The following ARHGEF1 variants were observed in gnomAD, a reference collection of about 807,000 sequenced individuals.
The protein encoded by ARHGEF1 is 115 kDa guanine nucleotide exchange factor.
A neutral mutation model predicts 119.7 loss-of-function variants in ARHGEF1; 40 were observed. That is an observed-to-expected ratio of 0.33 (90% confidence interval 0.26 to 0.44). The LOEUF (loss-of-function observed/expected upper bound fraction) is 0.44. Among genes scored for constraint, ARHGEF1 ranks in the 20% least tolerant of loss-of-function variants. The probability of loss-of-function intolerance (pLI) is 1.00; values close to 1 mark genes in which losing one functional copy is unlikely to be tolerated. For synonymous variants in ARHGEF1, 494 were observed against 521.0 expected, an observed-to-expected ratio of 0.95 and a Z score of 0.71; for missense variants, 976 against 1,268.3, an observed-to-expected ratio of 0.77 and a Z score of 3.50.
rs898085600 is a variant in ARHGEF1 at position 41,907,327 on chromosome 19, G to A, written c.*240G>A. The A allele has an allele frequency of 1.5e-5, 23 of 1,534,296 alleles. No individual in the cohort carries two copies. The highest frequency in any genetic ancestry group is 1.1e-4 in the African/African-American group (8 of 72,836). On this transcript the variant is annotated 3_prime_UTR_variant, in exon 29 of 29. Coordinates refer to ENST00000354532, the MANE Select transcript of ARHGEF1 (RefSeq NM_004706.4). ...AGGGCTCCATTCTGGAGGGCACCACGGTGACCCGGGCCATCTCAGTATTGC... is the reference window on the plus strand; with the variant it reads ...AGGGCTCCATTCTGGAGGGCACCACAGTGACCCGGGCCATCTCAGTATTGC...
chr19:41,900,582 C>A (rs782003579), intron 14 of ARHGEF1, among the ~76,000 whole-genome samples: 6 of 152,064 alleles, frequency 3.9e-5, no homozygotes, highest in Non-Finnish European at 7.4e-5. Context: ...AGGCTGTCAA[C>A]CACTGTATAA....
rs1171299619 is a variant in ARHGEF1, at chr19:41,905,467, T to C, written c.2336+206T>C. On this transcript the variant is annotated intron_variant, in intron 24 of 28. Transcript: ENST00000354532. The surrounding 1 kb of genome is among the most constrained non-coding windows in gnomAD (Gnocchi z 6.4). ...ATGCATGCATGTGTGCGTGTGCATG[T>C]GTGTGCGTGTATGGTGTGTGTGTAT... The C allele has an allele frequency of 8.1e-6, 5 of 615,536 alleles. No homozygotes were observed. The highest frequency in any genetic ancestry group is 3.9e-5 in the South Asian group (2 of 51,042). The allele number at this position is 615,536 out of a possible 1,614,324, so 38.1% of individuals were successfully genotyped here.
chr19:41,905,591 C>T lies in ARHGEF1; in HGVS notation c.2337-169C>T. 1.5e-6 allele frequency: 1 copy of T among 686,858 alleles called. No individual in the cohort carries two copies. Among genetic ancestry groups the T allele is most frequent in the Non-Finnish European group, 2.4e-6 (1 of 410,488 alleles). 42.5% of individuals were successfully genotyped at this position (686,858 alleles called of 1,614,324 possible). ...GCCCCGTCTGTCTCCTGTCTCCAGG[C>T]CTCTGTGTCTTCCATTGTCTGGGCC... On this transcript the variant is annotated intron_variant, in intron 24 of 28. Coordinates refer to ENST00000354532, the MANE Select transcript of ARHGEF1 (RefSeq NM_004706.4). This position sits in a 1 kb window ranked among gnomAD's most constrained non-coding sequence, Gnocchi z 6.4.
chr19:41,909,911 C>T, downstream of ARHGEF1: 6 of 1,613,582 alleles, frequency 3.7e-6, no homozygotes, highest in East Asian at 2.2e-5. The surrounding 1 kb of genome is among the most constrained non-coding windows in gnomAD (Gnocchi z 5.2). Flanking sequence ...CTTGCATTTG[C>T]GAATACCCCA....
At chr19:41,893,017 C>T (rs547812956) in intron 7 of ARHGEF1, among the ~76,000 whole-genome samples, 168 bp downstream of exon 7, 2 of 152,240 alleles carry the variant, frequency 1.3e-5, no homozygotes, top group South Asian at 2.1e-4. Flanking sequence ...ACCTTGAATC[C>T]GAGTCTTCCC....
chr19:41,905,268 G>C lies in ARHGEF1; in HGVS notation c.2336+7G>C, dbSNP rs375046295. 1.2e-4 allele frequency: 200 copies of C among 1,611,186 alleles called. 1 individual carries two copies. In the South Asian group the frequency reaches 2.1e-3, roughly 17 times the overall value. On this transcript the variant is annotated splice_region_variant and intron_variant, in intron 24 of 28. Transcript: ENST00000354532. The surrounding 1 kb of genome is among the most constrained non-coding windows in gnomAD (Gnocchi z 6.4). ...CCCGGCCCAGCCCGAGCAGGTGAGG[G>C]GGGCCATGGAGAGAGCTGGAGGTTC...
downstream of ARHGEF1, chr19:41,909,562 G>A (rs141818460): frequency 5.9e-6 from 6 of 1,014,126 alleles, no homozygotes; most frequent in African/African-American, 5.0e-5. The surrounding 1 kb of genome is among the most constrained non-coding windows in gnomAD (Gnocchi z 5.2). Context: ...CCCAGGCATG[G>A]TGCACAGAGC....
At position 41,892,147 on chromosome 19, in the gene ARHGEF1, A is replaced by G; in HGVS notation, c.324+24A>G. 3 of 1,604,014 alleles carry G rather than the reference A, an allele frequency of 1.9e-6. No individual in the cohort carries two copies. Among genetic ancestry groups the G allele is most frequent in the Non-Finnish European group, 2.6e-6 (3 of 1,172,858 alleles). ...CGGTGAGAGACCTTCAAGCTGCCCC[A>G]ACCCTGCAATCCCTGTTTGGGCCTG... is the stretch of plus-strand genomic sequence containing the variant. On this transcript the variant is annotated intron_variant, in intron 5 of 28. Transcript: ENST00000354532. The surrounding 1 kb of genome is among the most constrained non-coding windows in gnomAD (Gnocchi z 6.3).
chr19:41,902,158 G>C lies in ARHGEF1; in HGVS notation c.1415-116G>C. Reference sequence around the variant, plus strand: ...TGGGGTGGGGGCAGATACGCCATCCGGTCCCGAGGATCAGACACAGACACA... The same window carrying C: ...TGGGGTGGGGGCAGATACGCCATCCCGTCCCGAGGATCAGACACAGACACA... On this transcript the variant is annotated intron_variant, in intron 15 of 28. Coordinates refer to ENST00000354532, the MANE Select transcript of ARHGEF1 (RefSeq NM_004706.4). This position sits in a 1 kb window ranked among gnomAD's most constrained non-coding sequence, Gnocchi z 6.5. The C allele has an allele frequency of 1.9e-6, 3 of 1,554,064 alleles. No homozygotes were observed. Among genetic ancestry groups the C allele is most frequent in the Non-Finnish European group, 1.8e-6 (2 of 1,137,720 alleles).
At position 41,906,376 on chromosome 19, in the gene ARHGEF1, C is replaced by G; in HGVS notation, c.2492-81C>G. On this transcript the variant is annotated intron_variant, in intron 26 of 28. Transcript: ENST00000354532. This position sits in a 1 kb window ranked among gnomAD's most constrained non-coding sequence, Gnocchi z 4.5. Reference sequence around the variant, plus strand: ...CCCACCTTCACCTCCAGCCCCTACACATCCCCTTTGGAATCCCCCATCCCA... The same window carrying G: ...CCCACCTTCACCTCCAGCCCCTACAGATCCCCTTTGGAATCCCCCATCCCA... 7.1e-7 allele frequency: 1 copy of G among 1,408,372 alleles called. No individual in the cohort carries two copies. The highest frequency in any genetic ancestry group is 9.6e-7 in the Non-Finnish European group (1 of 1,045,934). 87.2% of individuals were successfully genotyped at this position (1,408,372 alleles called of 1,614,324 possible).
Position 41,889,036 on chromosome 19 carries a change from C to T in ARHGEF1, c.225+171C>T. The T allele has an allele frequency of 1.6e-6, 1 of 614,434 alleles. No individual in the cohort carries two copies. Among genetic ancestry groups the T allele is most frequent in the Non-Finnish European group, 2.8e-6 (1 of 354,356 alleles). 38.1% of individuals were successfully genotyped at this position (614,434 alleles called of 1,614,324 possible). ...TTTAGACAAGAGCCAGAAAGCATGCCACGTGACCTCAACAGGCTTACAAGT... is the reference window on the plus strand; with the variant it reads ...TTTAGACAAGAGCCAGAAAGCATGCTACGTGACCTCAACAGGCTTACAAGT... On this transcript the variant is annotated intron_variant, in intron 4 of 28. Transcript: ENST00000354532. This position sits in a 1 kb window ranked among gnomAD's most constrained non-coding sequence, Gnocchi z 4.0.
intron 4 of ARHGEF1, 41 bp from the exon 5 acceptor site, chr19:41,891,984 A>C: frequency 6.6e-7 from 1 of 1,526,100 alleles, no homozygotes; most frequent in South Asian, 1.2e-5. Flanking sequence ...GGTTTGAGGC[A>C]GGGTGAGGGA....
chr19:41,905,524 C>G lies in ARHGEF1; in HGVS notation c.2337-236C>G, dbSNP rs1555849959. ...GTGTGCATGCGTGTGACAGCATGTG[C>G]ATGCATGTGTGTGTGTGTGCGCATG... is the stretch of plus-strand genomic sequence containing the variant. On this transcript the variant is annotated intron_variant, in intron 24 of 28. Coordinates refer to ENST00000354532, the MANE Select transcript of ARHGEF1 (RefSeq NM_004706.4). This position sits in a 1 kb window ranked among gnomAD's most constrained non-coding sequence, Gnocchi z 6.4. 6.5e-6 allele frequency: 4 copies of G among 614,622 alleles called. No homozygotes were observed. The highest frequency in any genetic ancestry group is 1.1e-5 in the Non-Finnish European group (4 of 349,200). 38.1% of individuals were successfully genotyped at this position (614,622 alleles called of 1,614,324 possible).
intron 8 of ARHGEF1, 72 bp from the exon 9 acceptor site, chr19:41,894,135 A>AGAGTGT (rs1313653141): frequency 3.1e-5 from 15 of 486,092 alleles, no homozygotes; most frequent in African/African-American, 1.6e-4. Context: ...TGTGTGTGTG[A>AGAGTGT]GTGTGTGTGT....
In ARHGEF1 at chr19:41,902,810, C is replaced by T; in HGVS notation, c.1650C>T (p.Arg550=). The change falls in exon 18 of 29, where the codon CGC becomes CGT. Residue 550 remains arginine (R), a synonymous_variant. Transcript: ENST00000354532. This position sits in a 1 kb window ranked among gnomAD's most constrained non-coding sequence, Gnocchi z 6.5. The part of the protein sequence containing the change: ...VQEAESRPRC[R]RLQLKDMIPT... ...AAGCTGAGAGCCGCCCGCGGTGCCGCCGCCTGCAGCTGAAGGACATGATCC... is the reference window on the plus strand; with the variant it reads ...AAGCTGAGAGCCGCCCGCGGTGCCGTCGCCTGCAGCTGAAGGACATGATCC... 6.2e-7 allele frequency: 1 copy of T among 1,613,116 alleles called. No homozygotes were observed. Among genetic ancestry groups the T allele is most frequent in the African/African-American group, 1.3e-5 (1 of 75,056 alleles).
chr19:41,894,868 C>G (rs1457598548), intron 11 of ARHGEF1, among the ~76,000 whole-genome samples: 1 of 103,180 alleles, frequency 9.7e-6, no homozygotes, highest in Non-Finnish European at 1.6e-5. Flanking sequence ...GGCCTGGACC[C>G]CTGGGTCTGA....
intron 4 of ARHGEF1, among the ~76,000 whole-genome samples, chr19:41,891,251 T>C (rs1555846151): frequency 6.6e-6 from 1 of 152,176 alleles, no homozygotes; most frequent in African/African-American, 2.4e-5. Context: ...ATCCTAACTT[T>C]GCCACTTAGT....
intron 1 of ARHGEF1, among the ~76,000 whole-genome samples, chr19:41,926,883 GGAGACAGAGACAGAGATGCTGGGA>G (rs1555853319): frequency 2.0e-5 from 3 of 152,216 alleles, no homozygotes; most frequent in East Asian, 3.9e-4. Flanking sequence ...CCAGCGAGGG[GGAGACAGAGACAGAGATGCTGGGA>G]GAGACAGAGA....
rs902498223 is a variant in ARHGEF1 at position 41,888,542 on chromosome 19, A to G, written c.112-210A>G. 2.0e-5 allele frequency among the ~76,000 whole-genome samples: 3 copies of G among 152,056 alleles called. No homozygotes were observed. Among genetic ancestry groups the G allele is most frequent in the African/African-American group, 7.3e-5 (3 of 41,372 alleles). ...TTCTTCTCTCCTAATTTCTGTCCTC[A>G]TCATCCACCATTATAATATTAAGTC... On this transcript the variant is annotated intron_variant, in intron 3 of 28. Coordinates refer to ENST00000354532, the MANE Select transcript of ARHGEF1 (RefSeq NM_004706.4). The surrounding 1 kb of genome is among the most constrained non-coding windows in gnomAD (Gnocchi z 5.1).
Sources: gnomAD v4.1 joint callset for allele counts (sites outside exome capture counted in the v4.1 genomes callset) on GRCh38, gnomAD v4.1.1 for gene constraint, Gnocchi (gnomAD v3.1) non-coding constraint, MANE v1.5 for transcripts, NCBI Gene and HGNC (gene_info 2026-07-23, HGNC 2026-07-21) for gene names.